Variants in NBPF3 observed in about 807,000 individuals in gnomAD.
The protein encoded by NBPF3 is NBPF member 3.
A neutral mutation model predicts 78.1 loss-of-function variants in NBPF3; 57 were observed. That is an observed-to-expected ratio of 0.73 (90% CI 0.59 to 0.91). The LOEUF is 0.91. NBPF3 is among the 40% of genes least tolerant of loss of function. NBPF3 has a pLI of 0.00. For synonymous variants in NBPF3, 182 were observed against 271.7 expected, an observed-to-expected ratio of 0.67 and a Z score of 3.25; for missense variants, 510 against 715.3, an observed-to-expected ratio of 0.71 and a Z score of 3.27.
chr1:21,455,995 G>T (rs1265824045), intron 2 of NBPF3, among the ~76,000 whole-genome samples: 1 of 152,126 alleles, frequency 6.6e-6, no homozygotes, highest in Non-Finnish European at 1.5e-5. Context: ...AGGAATAAGT[G>T]TCACACTTTT....
At chr1:21,483,103 T>G in intron 14 of NBPF3, 40 bp from the exon 15 acceptor site, 1 of 1,611,916 alleles carries the variant, frequency 6.2e-7, no homozygotes, top group South Asian at 1.1e-5. Flanking sequence ...TGGTGTCTGA[T>G]TTTCCCTGGC....
chr1:21,457,348 G>GTA (rs148261967), intron 2 of NBPF3, among the ~76,000 whole-genome samples: 1,443 of 109,616 alleles, frequency 0.013, 23 homozygotes, highest in African/African-American at 0.039. Flanking sequence ...GTGTGTGTGT[G>GTA]TATATATATA....
intron 2 of NBPF3, among the ~76,000 whole-genome samples, chr1:21,464,305 T>C (rs6426708): frequency 6.6e-6 from 1 of 152,204 alleles, no homozygotes; most frequent in African/African-American, 2.4e-5. Flanking sequence ...GAAGTACTGA[T>C]GCAGGCTAGA....
upstream of NBPF3, among the ~76,000 whole-genome samples, chr1:21,438,253 C>T (rs1445441637): frequency 6.6e-6 from 1 of 152,080 alleles, no homozygotes; most frequent in Non-Finnish European, 1.5e-5. Flanking sequence ...GCTGGAATTA[C>T]AGGCGTGCAC....
chr1:21,437,278 G>C (rs1305919015), upstream of NBPF3: 1 of 393,366 alleles, frequency 2.5e-6, no homozygotes, highest in Non-Finnish European at 4.6e-6. Flanking sequence ...GAACCCAGGA[G>C]AGGAGTGTGC....
intron 1 of NBPF3, 95 bp downstream of exon 1, chr1:21,440,443 G>C (rs1640559834): frequency 6.6e-6 from 1 of 150,534 alleles, no homozygotes; most frequent in Non-Finnish European, 1.5e-5. Context: ...TTTGTTGCGC[G>C]AGCGCGGGGG....
chr1:21,456,850 C>T (rs1641630824), intron 2 of NBPF3, among the ~76,000 whole-genome samples: 1 of 152,044 alleles, frequency 6.6e-6, no homozygotes, highest in African/African-American at 2.4e-5. Context: ...CAGCATTATA[C>T]TAGAGATCTA....
chr1:21,476,524 C>T lies in NBPF3; in HGVS notation c.992+1573C>T, dbSNP rs1292125636. 6.6e-6 allele frequency among the ~76,000 whole-genome samples: 1 copy of T among 152,160 alleles called. No homozygotes were observed. The highest frequency in any genetic ancestry group is 1.5e-5 in the Non-Finnish European group (1 of 68,044). ...TTGTCTGTAAAGGATTTTATTTCTC[C>T]TTCACTTTTGAAGCTTAGTTTCGCT... On this transcript the variant is annotated intron_variant, in intron 8 of 14. Transcript: ENST00000318249. This position sits in a 1 kb window ranked among gnomAD's most constrained non-coding sequence, Gnocchi z 4.1.
chr1:21,441,080 T>C (rs1640618202), intron 1 of NBPF3, among the ~76,000 whole-genome samples: 1 of 152,166 alleles, frequency 6.6e-6, no homozygotes, highest in South Asian at 2.1e-4. Flanking sequence ...TTTCCTTCTG[T>C]CTTTTGCTGC....
intron 3 of NBPF3, 116 bp downstream of exon 3, chr1:21,469,013 A>G: frequency 4.9e-6 from 4 of 823,696 alleles, no homozygotes; most frequent in Non-Finnish European, 7.8e-6. Context: ...CTTCTAGGAA[A>G]ATAGAAATGG....
At chr1:21,437,385 A>T, upstream of NBPF3, 1 of 826,020 alleles carries the variant, frequency 1.2e-6, no homozygotes, top group Non-Finnish European at 1.8e-6. Context: ...GTGAGAGCAC[A>T]TTGGGGAGTG....
chr1:21,439,162 C>G (rs920108116), upstream of NBPF3, among the ~76,000 whole-genome samples: 1 of 152,142 alleles, frequency 6.6e-6, no homozygotes, highest in Non-Finnish European at 1.5e-5. Flanking sequence ...GCCTGTAGTC[C>G]TAGCTACTCG....
intron 2 of NBPF3, among the ~76,000 whole-genome samples, chr1:21,455,945 AC>A: frequency 6.6e-6 from 1 of 152,302 alleles, no homozygotes; most frequent in African/African-American, 2.4e-5. Context: ...CCTCATTAGC[AC>A]CCAGGTATCC....
chr1:21,468,881 C>T lies in NBPF3; in HGVS notation c.327C>T (p.Asn109=). The T allele has an allele frequency of 6.2e-7, 1 of 1,613,674 alleles. No individual in the cohort carries two copies. The highest frequency in any genetic ancestry group is 1.1e-5 in the South Asian group (1 of 91,066). ...CTCAAGTGGCCTACTTCCTGGCCAA[C>T]CGGCAAAATAATTACGGTAAGTTCT... ...LVTQVAYFLA[N]RQNNYDYEDC... Residue 109 remains asparagine (N), a synonymous_variant, in exon 3 of 15, where the codon AAC becomes AAT. Coordinates refer to ENST00000318249, the MANE Select transcript of NBPF3 (RefSeq NM_032264.6).
At chr1:21,473,622 A>G (rs376234807) in intron 7 of NBPF3, 37 bp downstream of exon 7, 36 of 1,533,862 alleles carry the variant, frequency 2.3e-5, no homozygotes, top group Middle Eastern at 1.7e-4. Flanking sequence ...ACCTTTTCCT[A>G]TGCTGAGGAA....
intron 2 of NBPF3, among the ~76,000 whole-genome samples, chr1:21,455,322 G>C (rs1641539593): frequency 6.6e-6 from 1 of 152,158 alleles, no homozygotes; most frequent in Non-Finnish European, 1.5e-5. Context: ...CTCCTCAGTG[G>C]CTTTGTCTAC....
chr1:21,467,081 A>G, intron 2 of NBPF3: 1 of 984,444 alleles, frequency 1.0e-6, no homozygotes, highest in African/African-American at 1.7e-5. Context: ...ATAAAGAAAC[A>G]TGACAGATTT....
upstream of NBPF3, chr1:21,437,503 G>A: frequency 6.9e-7 from 1 of 1,451,076 alleles, no homozygotes; most frequent in South Asian, 1.2e-5. Context: ...AGGTGCAGCG[G>A]CTGCGGAGAG....
chr1:21,443,067 G>A lies in NBPF3; in HGVS notation c.-139-1881G>A, dbSNP rs547086906. ...CATGTGGCACTTTTCTTCATAAATC[G>A]ATTGACTGTATGGTCATCTGATTTA... On this transcript the variant is annotated intron_variant, in intron 1 of 14. Transcript: ENST00000318249. Among the ~76,000 whole-genome samples, 39 of 152,190 alleles carry A rather than the reference G, an allele frequency of 2.6e-4. No individual in the cohort carries two copies. In the South Asian group the frequency reaches 7.1e-3, roughly 28 times the overall value.
Sources: gnomAD v4.1 joint callset for allele counts (sites outside exome capture counted in the v4.1 genomes callset) on GRCh38, gnomAD v4.1.1 for gene constraint, Gnocchi (gnomAD v3.1) non-coding constraint, MANE v1.5 for transcripts, NCBI Gene and HGNC (gene_info 2026-07-23, HGNC 2026-07-21) for gene names.